The following SCHIP1 variants were observed in gnomAD, a reference collection of about 807,000 sequenced individuals.
The protein encoded by SCHIP1 is schwannomin interacting protein 1.
SCHIP1 carries 8 observed loss-of-function variants against 29.7 expected under a neutral mutation model. The observed-to-expected ratio is 0.27, with a 90% CI of 0.16 to 0.49. SCHIP1 has a LOEUF of 0.49. SCHIP1 is among the 20% of genes least tolerant of loss of function. The pLI is 0.99. For missense variants in SCHIP1, 193 were observed against 294.6 expected (o/e 0.66, Z 2.52); for synonymous variants, 76 against 94.9 (o/e 0.80, Z 1.16).
At chr3:159,744,846 G>A in the SCHIP1 span, among the ~76,000 whole-genome samples, 109 of 152,314 alleles carry the variant, frequency 7.2e-4, no homozygotes, top group Middle Eastern at 6.8e-3. Flanking sequence ...TTAGCTGGGC[G>A]TGGTGGCAGG....
chr3:159,601,181 A>T, the SCHIP1 span, among the ~76,000 whole-genome samples: 1 of 152,114 alleles, frequency 6.6e-6, no homozygotes, highest in South Asian at 2.1e-4. Context: ...TCTGCCCAGC[A>T]GTGGGCCCAC....
At chr3:159,298,170 A>G in the SCHIP1 span, among the ~76,000 whole-genome samples, 2 of 152,208 alleles carry the variant, frequency 1.3e-5, no homozygotes, top group Admixed American at 6.5e-5. Context: ...GCTCACATAG[A>G]TGATTCATAA....
At chr3:159,601,055 G>A in the SCHIP1 span, among the ~76,000 whole-genome samples, 340 of 152,306 alleles carry the variant, frequency 2.2e-3, 1 homozygote, top group African/African-American at 7.7e-3. Flanking sequence ...TAGCAGTGGT[G>A]GTCTGACCAT....
the SCHIP1 span, among the ~76,000 whole-genome samples, chr3:159,542,121 T>G: frequency 6.6e-6 from 1 of 152,104 alleles, no homozygotes; most frequent in Non-Finnish European, 1.5e-5. Context: ...AATATTGTAT[T>G]AGTAAATTGA....
At chr3:159,813,914 A>G in the SCHIP1 span, among the ~76,000 whole-genome samples, 1 of 152,236 alleles carries the variant, frequency 6.6e-6, no homozygotes, top group African/African-American at 2.4e-5. Flanking sequence ...TCTAGATTCT[A>G]GCAGCATCTA....
At chr3:159,277,512 T>C in the SCHIP1 span, among the ~76,000 whole-genome samples, 1 of 151,514 alleles carries the variant, frequency 6.6e-6, no homozygotes. Context: ...GAATAATAAT[T>C]TGGAGCTAGA....
At chr3:159,289,406 CTTATTTAT>C in the SCHIP1 span, among the ~76,000 whole-genome samples, 15 of 150,176 alleles carry the variant, frequency 1.0e-4, no homozygotes, top group Admixed American at 5.3e-4. Flanking sequence ...ACATAAAGCT[CTTATTTAT>C]TTATTTATTT....
chr3:159,550,300 T>G, the SCHIP1 span, among the ~76,000 whole-genome samples: 73 of 152,210 alleles, frequency 4.8e-4, no homozygotes, highest in African/African-American at 1.7e-3. Flanking sequence ...CTGTTTATTC[T>G]ATTATTTACT....
intron 2 of SCHIP1, among the ~76,000 whole-genome samples, chr3:159,876,526 G>A (rs915565907): frequency 6.6e-6 from 1 of 152,170 alleles, no homozygotes; most frequent in Non-Finnish European, 1.5e-5. Context: ...GCATTAGTAG[G>A]TGCTGCTACA....
the SCHIP1 span, among the ~76,000 whole-genome samples, chr3:159,775,635 C>G: frequency 6.6e-6 from 1 of 152,188 alleles, no homozygotes; most frequent in East Asian, 1.9e-4. Flanking sequence ...CAGGCCCACT[C>G]TTGTACTGTT....
the SCHIP1 span, among the ~76,000 whole-genome samples, chr3:159,441,154 C>T: frequency 6.6e-6 from 1 of 152,058 alleles, no homozygotes; most frequent in Non-Finnish European, 1.5e-5. Context: ...TGTGCATATG[C>T]ATGCACACAC....
At chr3:159,681,286 TG>T in the SCHIP1 span, among the ~76,000 whole-genome samples, 1 of 146,788 alleles carries the variant, frequency 6.8e-6, no homozygotes. Context: ...AGAGGAGAAA[TG>T]GGGAAAAAAA....
chr3:159,430,621 T>A, the SCHIP1 span, among the ~76,000 whole-genome samples: 2 of 152,114 alleles, frequency 1.3e-5, no homozygotes, highest in Admixed American at 1.3e-4. Flanking sequence ...GAAATTAAGA[T>A]ACTTAATATT....
At chr3:159,840,106 C>G (rs1487445615) in exon 1 of SCHIP1, 6 of 1,528,970 alleles carry the variant, frequency 3.9e-6, no homozygotes, top group South Asian at 3.6e-5. Context: ...CTCCGCCCGC[C>G]GGTGGATGCT....
chr3:159,679,442 A>G, the SCHIP1 span, among the ~76,000 whole-genome samples: 4 of 152,214 alleles, frequency 2.6e-5, no homozygotes, highest in East Asian at 7.7e-4. Flanking sequence ...GTAATTTTAC[A>G]GTGGGAATTT....
chr3:159,307,634 T>G, the SCHIP1 span, among the ~76,000 whole-genome samples: 8 of 152,148 alleles, frequency 5.3e-5, no homozygotes, highest in Non-Finnish European at 1.0e-4. Flanking sequence ...TAGCCAAAAA[T>G]TCTTTGCCAA....
chr3:159,289,581 T>C, the SCHIP1 span, among the ~76,000 whole-genome samples: 1 of 152,222 alleles, frequency 6.6e-6, no homozygotes, highest in Non-Finnish European at 1.5e-5. Context: ...TCAAACTGCA[T>C]GCTAGTGTTT....
the SCHIP1 span, among the ~76,000 whole-genome samples, chr3:159,331,360 G>A: frequency 1.3e-5 from 2 of 152,124 alleles, no homozygotes; most frequent in African/African-American, 2.4e-5. Flanking sequence ...TCTTTCCTTC[G>A]GATGTCCCTC....
chr3:159,401,008 GA>G, the SCHIP1 span: 1 of 166,664 alleles, frequency 6.0e-6, no homozygotes, highest in East Asian at 1.9e-4. Context: ...ATGAGGATCA[GA>G]AGGGATTGTG....
Sources: allele counts gnomAD v4.1 joint callset (sites outside exome capture counted in the v4.1 genomes callset), GRCh38; gene constraint gnomAD v4.1.1; transcripts MANE v1.5; gene names NCBI Gene and HGNC (gene_info 2026-07-23, HGNC 2026-07-21).